Variants in CDH18 observed in about 807,000 individuals in gnomAD.
CDH18 encodes the protein cadherin 18.
Under a neutral mutation model 67.9 loss-of-function variants are expected in CDH18, and 31 were observed. The ratio of observed to expected loss-of-function variants is 0.46; its 90% confidence interval spans 0.34 to 0.62. The LOEUF (loss-of-function observed/expected upper bound fraction) is 0.62. Ranked by LOEUF, CDH18 falls within the 20% of genes least tolerant of loss-of-function variation. The pLI is 0.01. For missense variants in CDH18, 890 were observed against 975.5 expected, an observed-to-expected ratio of 0.91 and a Z score of 1.17; for synonymous variants, 362 against 347.2, an observed-to-expected ratio of 1.04 and a Z score of -0.48.
chr5:19,901,702 G>A (rs1789955107), intron 2 of CDH18, among the ~76,000 whole-genome samples: 1 of 151,814 alleles, frequency 6.6e-6, no homozygotes, highest in Non-Finnish European at 1.5e-5. Context: ...ATTAGATGCA[G>A]ATATTTTTAA....
intron 2 of CDH18, among the ~76,000 whole-genome samples, chr5:19,944,148 A>G (rs2150241107): frequency 6.6e-6 from 1 of 152,142 alleles, no homozygotes; most frequent in Non-Finnish European, 1.5e-5. Context: ...TCTCCAGATG[A>G]TTGTTCGTTT....
intron 2 of CDH18, among the ~76,000 whole-genome samples, chr5:19,887,275 T>C (rs1055186685): frequency 1.3e-5 from 2 of 151,878 alleles, no homozygotes; most frequent in South Asian, 2.1e-4. Flanking sequence ...AGCTTTCCAA[T>C]GTAGCTATTT....
chr5:20,451,125 T>A (rs1197724746), intron 1 of CDH18, among the ~76,000 whole-genome samples: 11 of 152,214 alleles, frequency 7.2e-5, no homozygotes, highest in Admixed American at 7.2e-4. Context: ...TCGTTCATTA[T>A]TCTTTATTGT....
chr5:19,950,837 G>A (rs754596027), intron 2 of CDH18, among the ~76,000 whole-genome samples: 1 of 152,012 alleles, frequency 6.6e-6, no homozygotes, highest in Non-Finnish European at 1.5e-5. Context: ...TTAATATGAA[G>A]CTTAAAAGTG....
intron 1 of CDH18, chr5:20,304,704 C>T: frequency 6.2e-7 from 1 of 1,611,488 alleles, no homozygotes; most frequent in Non-Finnish European, 8.5e-7. Flanking sequence ...GCTCCACCTT[C>T]TTGTCAGGTG....
rs113648452 is a variant in CDH18, at chr5:19,948,482, A to C, written c.-257+32578T>G. Among the ~76,000 whole-genome samples the C allele has an allele frequency of 3.1e-3, 473 of 152,292 alleles. 7 individuals carry two copies. The highest frequency in any genetic ancestry group is 9.1e-3 in the African/African-American group (380 of 41,576). On this transcript the variant is annotated intron_variant, in intron 2 of 12. Coordinates refer to ENST00000382275, the MANE Select transcript of CDH18 (RefSeq NM_004934.5). ...TCGTGGAAACTATATAACATTTTAA[A>C]AATAAAATAATCATAGAGATGAAAT... is the stretch of plus-strand genomic sequence containing the variant.
intron 8 of CDH18, among the ~76,000 whole-genome samples, chr5:19,548,275 A>C (rs1314718513): frequency 6.8e-6 from 1 of 147,606 alleles, no homozygotes; most frequent in East Asian, 2.0e-4. Flanking sequence ...AGGACTAATC[A>C]TAAAACCCGT....
Position 19,887,882 on chromosome 5 carries a change from T to C in CDH18, c.-256-48640A>G, listed in dbSNP as rs991104180. 1.2e-4 allele frequency among the ~76,000 whole-genome samples: 18 copies of C among 152,202 alleles called. 1 individual carries two copies. The highest frequency in any genetic ancestry group is 3.4e-3 in the Middle Eastern group (1 of 294). The stretch of plus-strand genomic sequence containing the variant: ...ACCACCACACCCAGGGTCTTACTTT[T>C]GTATATGGTGTGAGACAAAGGTCAT... On this transcript the variant is annotated intron_variant, in intron 2 of 12. Coordinates refer to ENST00000382275, the MANE Select transcript of CDH18 (RefSeq NM_004934.5).
chr5:20,200,648 C>A (rs749377079), intron 2 of CDH18, among the ~76,000 whole-genome samples: 1 of 151,804 alleles, frequency 6.6e-6, no homozygotes, highest in Non-Finnish European at 1.5e-5. Context: ...CAGACTCCAG[C>A]CTGGGCAACA....
intron 2 of CDH18, among the ~76,000 whole-genome samples, chr5:19,885,570 A>G (rs1326672778): frequency 1.3e-5 from 2 of 152,134 alleles, no homozygotes; most frequent in Non-Finnish European, 2.9e-5. Flanking sequence ...GCTTTAGAAA[A>G]CAAGAGTTCT....
chr5:19,613,148 A>T lies in CDH18; in HGVS notation c.644-547T>A, dbSNP rs142811298. 5.3e-3 allele frequency among the ~76,000 whole-genome samples: 810 copies of T among 152,024 alleles called. 3 individuals are homozygous for T. Among genetic ancestry groups the T allele is most frequent in the Middle Eastern group, 0.024 (7 of 292 alleles). The stretch of plus-strand genomic sequence containing the variant: ...CGACAGAGTGAGACTCCAACTAAAA[A>T]AATAATAATAATAATAAGTACATGG... On this transcript the variant is annotated intron_variant, in intron 5 of 12. Transcript: ENST00000382275.
Position 20,505,688 on chromosome 5 carries a change from T to C in CDH18, c.-580+69774A>G, listed in dbSNP as rs572174896. On this transcript the variant is annotated intron_variant, in intron 1 of 14. Coordinates refer to the CDH18 transcript ENST00000507958. The stretch of plus-strand genomic sequence containing the variant: ...ATGAAGGAGTAGCTTTGAGAGATAT[T>C]TGAAATCTAAGGTCACCAACTTGTG... Among the ~76,000 whole-genome samples the C allele has an allele frequency of 2.0e-5, 3 of 152,312 alleles. No homozygotes were observed. The South Asian group carries it at 6.2e-4, about 32-fold the overall frequency.
In CDH18 at chr5:20,228,521, AT is replaced by A. The variant is rs1561894245; in HGVS notation, c.-518+26922del. ...TCAGCATTTTTAAAGAATGCAATAT[AT>A]TGTTATTAAGTGTAGTAATCATGTT... is the stretch of plus-strand genomic sequence containing the variant. On this transcript the variant is annotated intron_variant, in intron 2 of 14. Coordinates refer to the CDH18 transcript ENST00000507958. Among the ~76,000 whole-genome samples, 4 of 116,572 alleles carry A rather than the reference AT, an allele frequency of 3.4e-5. No homozygotes were observed. The East Asian group carries it at 1.0e-3, about 30-fold the overall frequency. The allele number at this position is 116,572 out of a possible 152,430, so 76.5% of individuals were successfully genotyped here.
chr5:19,573,464 G>C (rs1310252531), intron 7 of CDH18, among the ~76,000 whole-genome samples: 1 of 152,104 alleles, frequency 6.6e-6, no homozygotes. Context: ...ATTTTTAGTA[G>C]AGACGCGGTT....
At chr5:19,659,611 G>A (rs1416313918) in intron 5 of CDH18, among the ~76,000 whole-genome samples, 1 of 152,050 alleles carries the variant, frequency 6.6e-6, no homozygotes, top group Admixed American at 6.6e-5. Flanking sequence ...TTAAGAGGCG[G>A]GGCCATTAGG....
intron 2 of CDH18, among the ~76,000 whole-genome samples, chr5:19,900,549 A>T (rs1417107985): frequency 6.6e-6 from 1 of 152,204 alleles, no homozygotes; most frequent in Non-Finnish European, 1.5e-5. Context: ...TTAAAACATC[A>T]TCTTGCACTT....
At position 19,779,379 on chromosome 5, in the gene CDH18, A is replaced by C. The variant is rs374465319; in HGVS notation, c.229-32143T>G. On this transcript the variant is annotated intron_variant, in intron 3 of 12. Transcript: ENST00000382275. ...GTGGAGACATTAAGAAAATTGAGTT[A>C]GTTTATTGTTTTAAGTGGAGAATAA... is the stretch of plus-strand genomic sequence containing the variant. 5.9e-5 allele frequency among the ~76,000 whole-genome samples: 9 copies of C among 152,282 alleles called. No homozygotes were observed. The East Asian group carries it at 9.6e-4, about 16-fold the overall frequency.
chr5:20,473,978 T>C (rs1295797419), intron 1 of CDH18, among the ~76,000 whole-genome samples: 1 of 152,206 alleles, frequency 6.6e-6, no homozygotes, highest in Non-Finnish European at 1.5e-5. Flanking sequence ...AAAAATATCA[T>C]CCTTTTGCTT....
At chr5:20,173,139 T>C (rs1052583345) in intron 2 of CDH18, among the ~76,000 whole-genome samples, 7 of 152,148 alleles carry the variant, frequency 4.6e-5, no homozygotes, top group Non-Finnish European at 7.4e-5. Context: ...TGGGAAATGA[T>C]TAAAGTGTGG....
Sources: allele counts gnomAD v4.1 joint callset (sites outside exome capture counted in the v4.1 genomes callset), GRCh38; gene constraint gnomAD v4.1.1; transcripts MANE v1.5; gene names NCBI Gene and HGNC (gene_info 2026-07-23, HGNC 2026-07-21).